TOM1L2: variants seen among roughly 807,000 people sequenced by gnomAD.
TOM1L2 encodes the protein TOM1-like protein 2.
In TOM1L2, 31 loss-of-function variants were observed where a neutral mutation model predicts 67.9. The ratio of observed to expected loss-of-function variants is 0.46; its 90% CI spans 0.34 to 0.62. The LOEUF (loss-of-function observed/expected upper bound fraction) is 0.62. Ranked by LOEUF, TOM1L2 falls within the 20% of genes least tolerant of loss-of-function variation. The pLI, the probability that TOM1L2 is intolerant of heterozygous loss-of-function variation, is 0.01. For synonymous variants in TOM1L2, 256 were observed against 254.0 expected (o/e 1.01, Z -0.07); for missense variants, 606 against 663.5 (o/e 0.91, Z 0.95).
rs540269522 is a variant in TOM1L2, at chr17:17,951,320, T to A, written c.52+20942A>T. On this transcript the variant is annotated intron_variant, in intron 1 of 14. Transcript: ENST00000379504. ...ATAAGATTTAGAGGAAACAGAATCA[T>A]ACTTCTCTGTTCTGACTAGAATTAA... Among the ~76,000 whole-genome samples, 232 of 152,282 alleles carry A rather than the reference T, an allele frequency of 1.5e-3. 1 individual carries two copies. Among genetic ancestry groups the A allele is most frequent in the African/African-American group, 5.3e-3 (220 of 41,560 alleles).
At chr17:17,866,061 T>C (rs979404208) in intron 10 of TOM1L2, among the ~76,000 whole-genome samples, 2 of 152,102 alleles carry the variant, frequency 1.3e-5, no homozygotes, top group South Asian at 4.1e-4. Context: ...CTTTAATTCA[T>C]TGGAATTTCC....
chr17:17,893,567 T>G, intron 4 of TOM1L2, 94 bp downstream of exon 4: 1 of 1,202,370 alleles, frequency 8.3e-7, no homozygotes, highest in Non-Finnish European at 1.1e-6. Flanking sequence ...CTCCATTTTT[T>G]TTTTCCTCCA....
chr17:17,887,041 G>A (rs774590511), intron 4 of TOM1L2, among the ~76,000 whole-genome samples: 9 of 152,356 alleles, frequency 5.9e-5, no homozygotes, highest in African/African-American at 9.6e-5. Context: ...AGGTGCAGGC[G>A]TACAGGAGAG....
intron 7 of TOM1L2, among the ~76,000 whole-genome samples, chr17:17,871,354 G>C (rs567363561): frequency 4.0e-4 from 60 of 151,794 alleles, no homozygotes; most frequent in Admixed American, 9.2e-4. Context: ...CTGGGAGAGA[G>C]AGCGAGACTC....
At chr17:17,912,769 C>T (rs1486732405) in intron 1 of TOM1L2, among the ~76,000 whole-genome samples, 1 of 152,056 alleles carries the variant, frequency 6.6e-6, no homozygotes, top group Non-Finnish European at 1.5e-5. Context: ...ACGCTCCTCA[C>T]TTCCCAGACG....
At chr17:17,932,164 C>T (rs1479696136) in intron 1 of TOM1L2, among the ~76,000 whole-genome samples, 1 of 152,176 alleles carries the variant, frequency 6.6e-6, no homozygotes, top group Non-Finnish European at 1.5e-5. Flanking sequence ...GTGAGATGTT[C>T]TAGTAATTCT....
At chr17:17,930,171 G>A (rs960870623) in intron 1 of TOM1L2, among the ~76,000 whole-genome samples, 1 of 152,154 alleles carries the variant, frequency 6.6e-6, no homozygotes, top group Non-Finnish European at 1.5e-5. Flanking sequence ...GCCTCTTTTT[G>A]TTGGACTGGA....
chr17:17,866,777 T>C, intron 9 of TOM1L2, 99 bp downstream of exon 9: 1 of 1,243,938 alleles, frequency 8.0e-7, no homozygotes, highest in Non-Finnish European at 1.2e-6. Flanking sequence ...CCCAAATATT[T>C]CAAAACCAGT....
intron 1 of TOM1L2, among the ~76,000 whole-genome samples, chr17:17,951,796 T>C (rs1324021642): frequency 6.6e-6 from 1 of 152,118 alleles, no homozygotes; most frequent in Non-Finnish European, 1.5e-5. Flanking sequence ...CCACACATCT[T>C]AGAGGTGGTT....
chr17:17,914,971 T>C (rs935345062), intron 1 of TOM1L2, among the ~76,000 whole-genome samples: 9 of 152,198 alleles, frequency 5.9e-5, no homozygotes, highest in African/African-American at 1.9e-4. Flanking sequence ...GCAACAGCTA[T>C]ATTTTTGGAG....
chr17:17,860,248 A>C (rs1297394259), intron 12 of TOM1L2, among the ~76,000 whole-genome samples: 1 of 152,220 alleles, frequency 6.6e-6, no homozygotes, highest in Non-Finnish European at 1.5e-5. Context: ...AGGTGGGAGG[A>C]CATTCTAAGT....
At chr17:17,883,056 A>G (rs2037813705) in intron 5 of TOM1L2, among the ~76,000 whole-genome samples, 193 bp from the exon 6 acceptor site, 1 of 152,142 alleles carries the variant, frequency 6.6e-6, no homozygotes, top group South Asian at 2.1e-4. Context: ...TGGGGCTGCC[A>G]ATGGCTCCTC....
In TOM1L2 at chr17:17,928,779, GCTGT is replaced by G. The variant is rs1320979099; in HGVS notation, c.53-21252_53-21249del. On this transcript the variant is annotated intron_variant, in intron 1 of 14. Transcript: ENST00000379504. ...CAAACAGAATAGAACATAAATAGCT[GCTGT>G]CTGTGTCTCAGGATTTTTTTTTTCT... Among the ~76,000 whole-genome samples, 15 of 152,144 alleles carry G rather than the reference GCTGT, an allele frequency of 9.9e-5. No individual in the cohort carries two copies. In the South Asian group the frequency reaches 1.9e-3, roughly 19 times the overall value.
At chr17:17,959,075 G>A (rs981102577) in intron 1 of TOM1L2, among the ~76,000 whole-genome samples, 1 of 152,204 alleles carries the variant, frequency 6.6e-6, no homozygotes, top group Non-Finnish European at 1.5e-5. Context: ...CTGTTGCTGA[G>A]TTATATCCTT....
intron 1 of TOM1L2, among the ~76,000 whole-genome samples, chr17:17,951,419 G>C (rs543373576): frequency 1.3e-5 from 2 of 152,262 alleles, no homozygotes; most frequent in East Asian, 3.9e-4. Context: ...TTAGTACTTG[G>C]GTAGACACTG....
chr17:17,912,645 G>A (rs1446843974), intron 1 of TOM1L2, among the ~76,000 whole-genome samples: 3 of 149,502 alleles, frequency 2.0e-5, no homozygotes, highest in Non-Finnish European at 4.4e-5. Flanking sequence ...GGGAAGAGGC[G>A]CTCCTCACTT....
chr17:17,926,636 G>A (rs1398575082), intron 1 of TOM1L2, among the ~76,000 whole-genome samples: 1 of 151,960 alleles, frequency 6.6e-6, no homozygotes, highest in Non-Finnish European at 1.5e-5. Flanking sequence ...GCCGAGGCGG[G>A]CGGATTGCTT....
At chr17:17,868,053 A>T (rs188167986) in intron 8 of TOM1L2, among the ~76,000 whole-genome samples, 370 of 152,360 alleles carry the variant, frequency 2.4e-3, no homozygotes, top group Middle Eastern at 0.017. Context: ...GAAAATACTC[A>T]TATTAGTTAG....
intron 14 of TOM1L2, 77 bp downstream of exon 14, chr17:17,848,746 G>C: frequency 1.3e-6 from 2 of 1,546,620 alleles, no homozygotes; most frequent in Non-Finnish European, 1.8e-6. Context: ...GGGGCTCCAA[G>C]ATGATGGGGG....
Sources: gnomAD v4.1 joint callset for allele counts (sites outside exome capture counted in the v4.1 genomes callset) on GRCh38, gnomAD v4.1.1 for gene constraint, MANE v1.5 for transcripts, NCBI Gene and HGNC (gene_info 2026-07-23, HGNC 2026-07-21) for gene names.